ACTR3B: variants seen among roughly 807,000 people sequenced by gnomAD.
ACTR3B encodes the protein actin-related protein 3B.
Under a neutral mutation model 59.0 loss-of-function variants are expected in ACTR3B, and 8 were observed. The ratio of observed to expected loss-of-function variants is 0.14; its 90% confidence interval spans 0.08 to 0.24. The LOEUF (loss-of-function observed/expected upper bound fraction) is 0.24. Ranked by LOEUF, ACTR3B falls within the 10% of genes least tolerant of loss-of-function variation. The pLI, the probability that ACTR3B is intolerant of heterozygous loss-of-function variation, is 1.00. For missense variants in ACTR3B, 245 were observed against 552.3 expected, an observed-to-expected ratio of 0.44 and a Z score of 5.58; for synonymous variants, 148 against 197.9, an observed-to-expected ratio of 0.75 and a Z score of 2.12.
intron 4 of ACTR3B, among the ~76,000 whole-genome samples, chr7:152,809,594 T>C (rs1382651002): frequency 1.3e-5 from 2 of 151,824 alleles, no homozygotes; most frequent in Admixed American, 6.6e-5. Flanking sequence ...CAGGCTGGAG[T>C]GCAGTGGCAC....
At chr7:152,797,690 C>G (rs903082362) in intron 2 of ACTR3B, among the ~76,000 whole-genome samples, 2 of 152,200 alleles carry the variant, frequency 1.3e-5, no homozygotes, top group Non-Finnish European at 2.9e-5. Context: ...TTCCCATCCC[C>G]GAACAGCCTC....
chr7:152,774,141 G>T lies in ACTR3B; in HGVS notation c.45-9046G>T, dbSNP rs377741212. 8.6e-4 allele frequency among the ~76,000 whole-genome samples: 131 copies of T among 152,060 alleles called. 1 individual carries two copies. The highest frequency in any genetic ancestry group is 2.7e-3 in the African/African-American group (110 of 41,504). On this transcript the variant is annotated intron_variant, in intron 1 of 11. Transcript: ENST00000256001. ...TTTAATATTGCTTTAAAATTTTTTTGTTGTTGTTTTTTGAGATGGAGTTTT... is the reference window on the plus strand; with the variant it reads ...TTTAATATTGCTTTAAAATTTTTTTTTTGTTGTTTTTTGAGATGGAGTTTT...
intron 1 of ACTR3B, among the ~76,000 whole-genome samples, chr7:152,760,982 A>G (rs1214137779): frequency 1.3e-5 from 2 of 152,152 alleles, no homozygotes; most frequent in Non-Finnish European, 2.9e-5. Flanking sequence ...ATTCTTTTCT[A>G]TAGAAAAATG....
chr7:152,809,605 G>A (rs979196961), intron 4 of ACTR3B, among the ~76,000 whole-genome samples: 1 of 150,866 alleles, frequency 6.6e-6, no homozygotes, highest in African/African-American at 2.5e-5. Context: ...GCAGTGGCAC[G>A]ATCTCAGCTC....
At chr7:152,772,487 T>C (rs955911417) in intron 1 of ACTR3B, among the ~76,000 whole-genome samples, 1 of 152,090 alleles carries the variant, frequency 6.6e-6, no homozygotes, top group Admixed American at 6.6e-5. Context: ...ACTGCGCCAC[T>C]GCACTCCAGC....
chr7:152,855,318 G>A lies in ACTR3B; in HGVS notation c.*765G>A, dbSNP rs1405318465. The A allele has an allele frequency of 2.0e-5, 3 of 152,190 alleles. No individual in the cohort carries two copies. The highest frequency in any genetic ancestry group is 1.3e-4 in the Admixed American group (2 of 15,284). 9.4% of individuals were successfully genotyped at this position (152,190 alleles called of 1,614,324 possible). ...AGATGATGGTTTGTTGTCGGTGAGT[G>A]TTGGATGAAATACTTCCTTGCACCA... On this transcript the variant is annotated 3_prime_UTR_variant, in exon 12 of 12. Transcript: ENST00000256001.
intron 1 of ACTR3B, among the ~76,000 whole-genome samples, chr7:152,774,540 C>T (rs1243955263): frequency 6.6e-6 from 1 of 151,266 alleles, no homozygotes; most frequent in Non-Finnish European, 1.5e-5. Flanking sequence ...ATGTTTAGTC[C>T]ATCATTTAAA....
At chr7:152,780,081 C>T (rs1303032662) in intron 1 of ACTR3B, among the ~76,000 whole-genome samples, 2 of 152,106 alleles carry the variant, frequency 1.3e-5, no homozygotes, top group African/African-American at 2.4e-5. Flanking sequence ...GGGCCAGGCA[C>T]GGTGGCTCAC....
At chr7:152,769,753 A>G (rs2098119626) in intron 1 of ACTR3B, among the ~76,000 whole-genome samples, 1 of 151,842 alleles carries the variant, frequency 6.6e-6, no homozygotes. Flanking sequence ...TGTTATCATT[A>G]TATATAGTCC....
At chr7:152,803,831 T>G (rs1484235844) in intron 4 of ACTR3B, among the ~76,000 whole-genome samples, 1 of 152,240 alleles carries the variant, frequency 6.6e-6, no homozygotes, top group Non-Finnish European at 1.5e-5. Context: ...TCGTATTACA[T>G]GTGTTGTGCT....
intron 9 of ACTR3B, among the ~76,000 whole-genome samples, chr7:152,840,374 G>A (rs1257002813): frequency 1.3e-5 from 2 of 152,118 alleles, no homozygotes; most frequent in African/African-American, 2.4e-5. Context: ...TCCCTGGGCC[G>A]GTGCTGACGT....
intron 9 of ACTR3B, among the ~76,000 whole-genome samples, chr7:152,827,311 A>G (rs1372375158): frequency 6.6e-6 from 1 of 152,010 alleles, no homozygotes; most frequent in Non-Finnish European, 1.5e-5. Context: ...GGACCTCTCC[A>G]GTGTTATGAG....
At chr7:152,788,039 C>A (rs866524659) in intron 2 of ACTR3B, among the ~76,000 whole-genome samples, 25 of 152,036 alleles carry the variant, frequency 1.6e-4, no homozygotes, top group Non-Finnish European at 3.4e-4. Flanking sequence ...ATTCTCCTGC[C>A]TCAGCCTCCC....
chr7:152,774,144 G>A (rs1361226807), intron 1 of ACTR3B, among the ~76,000 whole-genome samples: 6 of 151,962 alleles, frequency 3.9e-5, no homozygotes, highest in Non-Finnish European at 8.8e-5. Flanking sequence ...TTTTTTTGTT[G>A]TTGTTTTTTG....
chr7:152,767,352 G>A (rs2098113583), intron 1 of ACTR3B, among the ~76,000 whole-genome samples: 1 of 152,062 alleles, frequency 6.6e-6, no homozygotes, highest in South Asian at 2.1e-4. Flanking sequence ...TAGTCTATTG[G>A]TCTGTTCATA....
At chr7:152,767,852 C>T (rs979060642) in intron 1 of ACTR3B, among the ~76,000 whole-genome samples, 4 of 151,888 alleles carry the variant, frequency 2.6e-5, no homozygotes, top group Non-Finnish European at 5.9e-5. Context: ...CATTTTATAA[C>T]GTGCTGCTTT....
intron 9 of ACTR3B, among the ~76,000 whole-genome samples, chr7:152,847,355 GGATGT>G (rs1160914229): frequency 6.6e-6 from 1 of 152,206 alleles, no homozygotes; most frequent in Non-Finnish European, 1.5e-5. Context: ...CCCATCACAG[GGATGT>G]TTAGGCTGTT....
At chr7:152,807,696 T>C (rs914664684) in intron 4 of ACTR3B, among the ~76,000 whole-genome samples, 1 of 152,246 alleles carries the variant, frequency 6.6e-6, no homozygotes, top group Non-Finnish European at 1.5e-5. Context: ...AAATTTGCCA[T>C]ATGCTTTACA....
chr7:152,831,580 G>A (rs566527617), intron 9 of ACTR3B, among the ~76,000 whole-genome samples: 1 of 152,386 alleles, frequency 6.6e-6, no homozygotes, highest in South Asian at 2.1e-4. Flanking sequence ...ATATGTGGCT[G>A]ATGGCCGTCC....
Sources: gnomAD v4.1 joint callset for allele counts (sites outside exome capture counted in the v4.1 genomes callset) on GRCh38, gnomAD v4.1.1 for gene constraint, MANE v1.5 for transcripts, NCBI Gene and HGNC (gene_info 2026-07-23, HGNC 2026-07-21) for gene names.